TMEM120B: variants seen among roughly 807,000 people sequenced by gnomAD.
TMEM120B encodes the protein transmembrane protein 120B.
Under a neutral mutation model 55.5 loss-of-function variants are expected in TMEM120B, and 31 were observed. That is an observed-to-expected ratio of 0.56 (90% CI 0.42 to 0.75). The LOEUF (loss-of-function observed/expected upper bound fraction) is 0.75, where lower values mean the gene tolerates loss of function less well. Ranked by LOEUF, TMEM120B falls within the 30% of genes least tolerant of loss-of-function variation. TMEM120B has a pLI of 0.00. For synonymous variants in TMEM120B, 203 were observed against 176.3 expected, an observed-to-expected ratio of 1.15 and a Z score of -1.20; for missense variants, 399 against 425.5, an observed-to-expected ratio of 0.94 and a Z score of 0.55.
intron 1 of TMEM120B, among the ~76,000 whole-genome samples, chr12:121,726,591 A>AAAT (rs1894898067): frequency 6.8e-6 from 1 of 147,180 alleles, no homozygotes; most frequent in Non-Finnish European, 1.5e-5. Context: ...AAAAAAAAAT[A>AAAT]AAATAAAATA....
chr12:121,734,545 A>G (rs1254141365), intron 1 of TMEM120B, among the ~76,000 whole-genome samples: 3 of 151,288 alleles, frequency 2.0e-5, no homozygotes, highest in Admixed American at 2.0e-4. Context: ...GGCGTGAGCC[A>G]CCACGCCTGG....
intron 5 of TMEM120B, chr12:121,758,057 T>C (rs1873535457): frequency 3.5e-6 from 2 of 563,454 alleles, no homozygotes; most frequent in Non-Finnish European, 4.5e-6. Context: ...AGATTAAGGC[T>C]ACAGTGGGCC....
intron 1 of TMEM120B, among the ~76,000 whole-genome samples, chr12:121,731,094 A>C (rs1894994631): frequency 6.6e-6 from 1 of 152,072 alleles, no homozygotes; most frequent in Admixed American, 6.6e-5. Context: ...GAATTATTTG[A>C]TGGGTTCATA....
intron 6 of TMEM120B, among the ~76,000 whole-genome samples, chr12:121,767,119 T>C (rs1377046113): frequency 3.3e-5 from 5 of 151,830 alleles, no homozygotes; most frequent in Non-Finnish European, 7.4e-5. Flanking sequence ...CTCCTGGAGC[T>C]CATAAAATAA....
chr12:121,732,734 C>G (rs1228513308), intron 1 of TMEM120B, among the ~76,000 whole-genome samples: 1 of 152,134 alleles, frequency 6.6e-6, no homozygotes, highest in Non-Finnish European at 1.5e-5. Context: ...AATCCCAGCA[C>G]TTTGGGAGGC....
chr12:121,714,005 G>A (rs971900393), intron 1 of TMEM120B, among the ~76,000 whole-genome samples: 2 of 152,122 alleles, frequency 1.3e-5, no homozygotes. Flanking sequence ...GTTGCCAAGG[G>A]TGTCTCTGAT....
chr12:121,774,512 A>G, intron 9 of TMEM120B, 146 bp from the exon 10 acceptor site: 1 of 685,270 alleles, frequency 1.5e-6, no homozygotes, highest in Non-Finnish European at 2.5e-6. Context: ...CCACCCAGCT[A>G]TGACAGGTGA....
chr12:121,735,060 C>G (rs546249215), intron 1 of TMEM120B, among the ~76,000 whole-genome samples: 1 of 151,890 alleles, frequency 6.6e-6, no homozygotes, highest in African/African-American at 2.4e-5. Context: ...GTGGCATGCG[C>G]CTGTAGTCCC....
At chr12:121,774,262 G>A (rs1874162570) in intron 9 of TMEM120B, among the ~76,000 whole-genome samples, 1 of 152,172 alleles carries the variant, frequency 6.6e-6, no homozygotes, top group Admixed American at 6.5e-5. Flanking sequence ...GGCCAACTCT[G>A]CTGTCTTTTG....
chr12:121,735,524 G>A (rs1454957087), intron 1 of TMEM120B, among the ~76,000 whole-genome samples: 6 of 150,734 alleles, frequency 4.0e-5, no homozygotes, highest in African/African-American at 9.8e-5. Context: ...TCAGCCTCCC[G>A]AGTAGCTGGG....
chr12:121,714,131 C>T (rs928371802), intron 1 of TMEM120B, among the ~76,000 whole-genome samples: 1 of 152,168 alleles, frequency 6.6e-6, no homozygotes, highest in Non-Finnish European at 1.5e-5. Flanking sequence ...GGGACCTAGA[C>T]ACATCTCGAC....
chr12:121,728,955 T>C (rs1894947555), intron 1 of TMEM120B, among the ~76,000 whole-genome samples: 1 of 152,236 alleles, frequency 6.6e-6, no homozygotes. Flanking sequence ...TGAGTTTTGC[T>C]GGTTCCAGAT....
At position 121,750,383 on chromosome 12, in the gene TMEM120B, C is replaced by T. The variant is rs766139570; in HGVS notation, c.309C>T (p.Leu103=). Residue 103 remains leucine, a synonymous_variant, in exon 4 of 12, where the codon CTC becomes CTT. Transcript: ENST00000449592. ...CCTCACAGGTGTTTCCTTCCAGGCTCTACTTGAACCTGGTCCTCGGCAATG... is the reference window on the plus strand; with the variant it reads ...CCTCACAGGTGTTTCCTTCCAGGCTTTACTTGAACCTGGTCCTCGGCAATG... ...MEAYLPKKNG[L]YLNLVLGNVN... The T allele has an allele frequency of 3.7e-6, 6 of 1,612,480 alleles. No homozygotes were observed. The highest frequency in any genetic ancestry group is 4.2e-6 in the Non-Finnish European group (5 of 1,179,120).
At chr12:121,739,204 A>G (rs1160398156) in intron 1 of TMEM120B, among the ~76,000 whole-genome samples, 1 of 152,100 alleles carries the variant, frequency 6.6e-6, no homozygotes, top group Non-Finnish European at 1.5e-5. Context: ...CAAAAAACAA[A>G]AACAAACTTA....
chr12:121,737,593 C>G (rs753523122), intron 1 of TMEM120B, among the ~76,000 whole-genome samples: 1 of 152,154 alleles, frequency 6.6e-6, no homozygotes, highest in African/African-American at 2.4e-5. Context: ...GCAATGGCCT[C>G]TGCCATTTGC....
chr12:121,742,499 AT>A (rs1872961195), intron 1 of TMEM120B, among the ~76,000 whole-genome samples: 1 of 152,140 alleles, frequency 6.6e-6, no homozygotes, highest in Non-Finnish European at 1.5e-5. Context: ...ATGTTTTTTA[AT>A]TCCTCAAGAC....
Position 121,748,379 on chromosome 12 carries a change from C to G in TMEM120B, c.242C>G (p.Ala81Gly), listed in dbSNP as rs757132888. ...GCGGAGCTCGTTCAGCAGATGGCAGCGAACATCAAGGAGCGGCAGGACGTC... is the reference window on the plus strand; with the variant it reads ...GCGGAGCTCGTTCAGCAGATGGCAGGGAACATCAAGGAGCGGCAGGACGTC... ...EEAELVQQMA[A>G]NIKERQDVFF... Residue 81 changes from alanine to glycine, a missense_variant, in exon 3 of 12, where the codon GCG becomes GGG. This residue lies in a region of TMEM120B where 133 missense variants were observed against 104.1 expected (regional missense o/e 1.28). Transcript: ENST00000449592. 1.8e-5 allele frequency: 29 copies of G among 1,610,910 alleles called. No homozygotes were observed. The highest frequency in any genetic ancestry group is 2.3e-5 in the Non-Finnish European group (27 of 1,178,564).
At chr12:121,737,366 G>A (rs543839788) in intron 1 of TMEM120B, among the ~76,000 whole-genome samples, 29 of 152,240 alleles carry the variant, frequency 1.9e-4, no homozygotes, top group Admixed American at 1.8e-3. Flanking sequence ...TTAGCTGGGT[G>A]TGGTTGCATG....
At chr12:121,750,928 T>A (rs1223593850) in intron 4 of TMEM120B, among the ~76,000 whole-genome samples, 4 of 4,870 alleles carry the variant, frequency 8.2e-4, no homozygotes, top group South Asian at 7.8e-3. Flanking sequence ...CACCCACACC[T>A]CACCCCACAC....
Sources: allele counts gnomAD v4.1 joint callset (sites outside exome capture counted in the v4.1 genomes callset), GRCh38; gene constraint gnomAD v4.1.1; regional missense constraint gnomAD v4.1.1; transcripts MANE v1.5; gene names NCBI Gene and HGNC (gene_info 2026-07-23, HGNC 2026-07-21).